PRKAR1A: variants seen among roughly 807,000 people sequenced by gnomAD.
PRKAR1A encodes the protein protein kinase cAMP-dependent type I regulatory subunit alpha, also known as cAMP-dependent protein kinase type I-alpha regulatory subunit.
A neutral mutation model predicts 52.0 loss-of-function variants in PRKAR1A; 3 were observed. The ratio of observed to expected loss-of-function variants is 0.06; its 90% confidence interval spans 0.03 to 0.15. The LOEUF (loss-of-function observed/expected upper bound fraction) is 0.15, where lower values mean the gene tolerates loss of function less well. Ranked by LOEUF, PRKAR1A falls within the 10% of genes least tolerant of loss-of-function variation. PRKAR1A has a pLI of 1.00. For missense variants in PRKAR1A, 240 were observed against 477.4 expected (o/e 0.50, Z 4.63); for synonymous variants, 188 against 168.4 (o/e 1.12, Z -0.90).
intron 11 of PRKAR1A, chr17:68,542,015 A>G (rs1333355487): frequency 6.2e-7 from 1 of 1,614,004 alleles, no homozygotes; most frequent in Middle Eastern, 1.7e-4. Context: ...GTAGGAGCGG[A>G]TCCAGGGGTT....
the PRKAR1A span, among the ~76,000 whole-genome samples, chr17:68,415,550 A>G: frequency 2.0e-5 from 3 of 152,160 alleles, no homozygotes; most frequent in Non-Finnish European, 4.4e-5. Flanking sequence ...GTTACAAGGT[A>G]TAGTTTAAAT....
downstream of PRKAR1A, chr17:68,537,153 A>G: frequency 3.8e-6 from 2 of 521,980 alleles, no homozygotes; most frequent in South Asian, 3.1e-5. The surrounding 1 kb of genome is among the most constrained non-coding windows in gnomAD (Gnocchi z 4.2). Context: ...TTGACTTGTT[A>G]CCATTAGTAC....
the PRKAR1A span, among the ~76,000 whole-genome samples, chr17:68,489,585 G>C: frequency 2.7e-5 from 4 of 150,374 alleles, no homozygotes; most frequent in Non-Finnish European, 5.9e-5. Context: ...TTTTGAGAAA[G>C]AGTCACCCAT....
chr17:68,457,329 A>G, the PRKAR1A span: 3 of 1,543,946 alleles, frequency 1.9e-6, no homozygotes, highest in Non-Finnish European at 2.6e-6. Context: ...GCAGGGGCCG[A>G]GTCGCAGCTT....
chr17:68,446,178 A>G, the PRKAR1A span, among the ~76,000 whole-genome samples: 1 of 151,548 alleles, frequency 6.6e-6, no homozygotes, highest in Non-Finnish European at 1.5e-5. Flanking sequence ...ATTTAAACAC[A>G]TTTCTCAATT....
At chr17:68,496,337 C>T in the PRKAR1A span, among the ~76,000 whole-genome samples, 45 of 151,826 alleles carry the variant, frequency 3.0e-4, no homozygotes, top group African/African-American at 2.2e-4. Context: ...CCACTGCGCC[C>T]GGCCCTCTCT....
intron 2 of PRKAR1A, among the ~76,000 whole-genome samples, chr17:68,521,134 G>GT (rs1292814421): frequency 6.6e-6 from 1 of 152,108 alleles, no homozygotes; most frequent in Non-Finnish European, 1.5e-5. Flanking sequence ...TAGAGATGGG[G>GT]TTTCACCATA....
At chr17:68,506,867 G>A (rs1472767041), upstream of PRKAR1A, among the ~76,000 whole-genome samples, 5 of 152,112 alleles carry the variant, frequency 3.3e-5, no homozygotes, top group Non-Finnish European at 1.5e-5. Context: ...CCACTAGTGT[G>A]GATGATCAGG....
the PRKAR1A span, among the ~76,000 whole-genome samples, chr17:68,498,689 G>A: frequency 6.6e-6 from 1 of 152,196 alleles, no homozygotes; most frequent in East Asian, 1.9e-4. Context: ...CTGGCAATTG[G>A]CCCTAGTTCC....
chr17:68,461,532 C>T, the PRKAR1A span, among the ~76,000 whole-genome samples: 1 of 152,202 alleles, frequency 6.6e-6, no homozygotes, highest in Non-Finnish European at 1.5e-5. This position sits in a 1 kb window ranked among gnomAD's most constrained non-coding sequence, Gnocchi z 4.6. Context: ...AAAGTAACTA[C>T]TAGGTGAACA....
the PRKAR1A span, among the ~76,000 whole-genome samples, chr17:68,422,903 G>C: frequency 6.6e-6 from 1 of 152,106 alleles, no homozygotes; most frequent in Non-Finnish European, 1.5e-5. Flanking sequence ...AGCTTTCTAA[G>C]GCACCAGAAA....
At chr17:68,539,252 T>G in intron 11 of PRKAR1A, 1 of 1,371,740 alleles carries the variant, frequency 7.3e-7, no homozygotes, top group Non-Finnish European at 1.0e-6. Context: ...CAGTGAAAAC[T>G]GGAAGCCCTT....
At chr17:68,431,489 C>T in the PRKAR1A span, among the ~76,000 whole-genome samples, 355 of 151,662 alleles carry the variant, frequency 2.3e-3, 1 homozygote, top group Non-Finnish European at 3.8e-3. Context: ...CTCAGGGGGA[C>T]GGGAGGAGCT....
downstream of PRKAR1A, chr17:68,536,013 G>A (rs2086087360): frequency 2.2e-6 from 1 of 454,018 alleles, no homozygotes; most frequent in African/African-American, 2.0e-5. Flanking sequence ...AAACCTGTGT[G>A]TTGCTTCTGT....
chr17:68,461,101 C>T, the PRKAR1A span, among the ~76,000 whole-genome samples: 1 of 151,582 alleles, frequency 6.6e-6, no homozygotes, highest in Admixed American at 6.6e-5. This position sits in a 1 kb window ranked among gnomAD's most constrained non-coding sequence, Gnocchi z 4.6. Flanking sequence ...GTAGGTGGGG[C>T]AGGGGACAAT....
At chr17:68,457,335 A>G in the PRKAR1A span, 1 of 1,545,338 alleles carries the variant, frequency 6.5e-7, no homozygotes, top group Non-Finnish European at 8.7e-7. Context: ...GCCGAGTCGC[A>G]GCTTACGTGC....
chr17:68,500,327 A>G, the PRKAR1A span, among the ~76,000 whole-genome samples: 1 of 152,134 alleles, frequency 6.6e-6, no homozygotes, highest in Admixed American at 6.5e-5. Flanking sequence ...GTAGTGAATA[A>G]GTCTCACGAG....
rs2085956230 is a variant in PRKAR1A at position 68,530,878 on chromosome 17, A to T, written c.*429A>T. On this transcript the variant is annotated 3_prime_UTR_variant, in exon 11 of 11. Coordinates refer to ENST00000589228, the MANE Select transcript of PRKAR1A (RefSeq NM_002734.5). Reference sequence around the variant, plus strand: ...ATATGCTGTATTTCTTTGTAGAATAAATGGTTTCTCATTAAACTCTAAAGA... The same window carrying T: ...ATATGCTGTATTTCTTTGTAGAATATATGGTTTCTCATTAAACTCTAAAGA... 8.8e-7 allele frequency: 1 copy of T among 1,141,094 alleles called. No homozygotes were observed. The highest frequency in any genetic ancestry group is 4.4e-5 in the Admixed American group (1 of 22,928). The allele number at this position is 1,141,094 out of a possible 1,614,324, so 70.7% of individuals were successfully genotyped here.
chr17:68,446,466 G>A, the PRKAR1A span, among the ~76,000 whole-genome samples: 5,477 of 152,230 alleles, frequency 0.036, 336 homozygotes, highest in African/African-American at 0.13. Context: ...ACAAGCATGA[G>A]CTACTGTGCC....
Sources: allele counts gnomAD v4.1 joint callset (sites outside exome capture counted in the v4.1 genomes callset), GRCh38; gene constraint gnomAD v4.1.1; non-coding constraint Gnocchi (gnomAD v3.1); transcripts MANE v1.5; gene names NCBI Gene and HGNC (gene_info 2026-07-23, HGNC 2026-07-21).